ACSM2B: variants seen among roughly 807,000 people sequenced by gnomAD.
ACSM2B encodes acyl-coenzyme A synthetase ACSM2B, mitochondrial.
ACSM2B carries 58 observed loss-of-function variants against 78.6 expected under a neutral mutation model. That is an observed-to-expected ratio of 0.74 (90% CI 0.60 to 0.92). ACSM2B has a LOEUF of 0.92. Ranked by LOEUF, ACSM2B falls within the 40% of genes least tolerant of loss-of-function variation. The pLI, the probability that ACSM2B is intolerant of heterozygous loss-of-function variation, is 0.00. For missense variants in ACSM2B, 688 were observed against 711.2 expected (o/e 0.97, Z 0.37); for synonymous variants, 257 against 256.8 (o/e 1.00, Z -0.01).
At chr16:20,556,188 C>G (rs575195073) in intron 3 of ACSM2B, among the ~76,000 whole-genome samples, 1 of 152,140 alleles carries the variant, frequency 6.6e-6, no homozygotes, top group Non-Finnish European at 1.5e-5. Context: ...TACAATTTAT[C>G]TTAAAAAATT....
intron 5 of ACSM2B, 138 bp downstream of exon 5, chr16:20,553,639 C>A: frequency 7.3e-7 from 1 of 1,362,914 alleles, no homozygotes; most frequent in Non-Finnish European, 9.9e-7. Flanking sequence ...GAAGCCATGT[C>A]CTCTTTAGCT....
rs751641752 is a variant in ACSM2B, at chr16:20,552,144, C to A, written c.894G>T (p.Lys298Asn). Residue 298 changes from lysine to asparagine, a missense_variant and splice_region_variant, in exon 6 of 14, where the codon AAG becomes AAT. By Grantham distance (94) the Lys-to-Asn change is moderately conservative. Coordinates refer to ENST00000329697, the MANE Select transcript of ACSM2B (RefSeq NM_001105069.2). ...TGCTGCAAACTGGATCCTCTCTTACCTTTAGAATAACCAGTGGGTCAAACT... is the reference window on the plus strand; with the variant it reads ...TGCTGCAAACTGGATCCTCTCTTACATTTAGAATAACCAGTGGGTCAAACT... The part of the protein sequence containing the change: ...LPKFDPLVIL[K>N]TLSSYPIKSM... 6.2e-7 allele frequency: 1 copy of A among 1,607,598 alleles called. No individual in the cohort carries two copies. Among genetic ancestry groups the A allele is most frequent in the Non-Finnish European group, 8.5e-7 (1 of 1,176,908 alleles).
At chr16:20,555,933 C>T (rs1339483042) in intron 3 of ACSM2B, among the ~76,000 whole-genome samples, 1 of 152,048 alleles carries the variant, frequency 6.6e-6, no homozygotes, top group Non-Finnish European at 1.5e-5. Flanking sequence ...ATGCATTTTT[C>T]TTAGATGAGA....
At chr16:20,555,499 G>T in intron 3 of ACSM2B, 23 bp from the exon 4 acceptor site, 1 of 1,610,856 alleles carries the variant, frequency 6.2e-7, no homozygotes, top group Non-Finnish European at 8.5e-7. Flanking sequence ...ACAATTTAGA[G>T]AATTGGAAAG....
chr16:20,566,055 A>G (rs373708161), intron 1 of ACSM2B, among the ~76,000 whole-genome samples: 2 of 148,344 alleles, frequency 1.3e-5, no homozygotes, highest in Admixed American at 6.8e-5. Flanking sequence ...CATACTATAT[A>G]TGATACTATA....
Position 20,537,003 on chromosome 16 carries a change from A to T in ACSM2B, c.*255T>A. 2.8e-6 allele frequency: 1 copy of T among 357,480 alleles called. No homozygotes were observed. Among genetic ancestry groups the T allele is most frequent in the South Asian group, 1.0e-4 (1 of 9,920 alleles). The allele number at this position is 357,480 out of a possible 1,614,324, so 22.1% of individuals were successfully genotyped here. ...TTCTTTTTCAATTGCTTTCTCTTGC[A>T]GTTTTTAACATTTCCCTGACTTACT... On this transcript the variant is annotated 3_prime_UTR_variant, in exon 14 of 14. Transcript: ENST00000329697.
chr16:20,567,626 A>G (rs2015962633), intron 1 of ACSM2B, among the ~76,000 whole-genome samples: 1 of 136,752 alleles, frequency 7.3e-6, no homozygotes, highest in Admixed American at 8.2e-5. Flanking sequence ...ATAGTATATT[A>G]TATCTATATC....
chr16:20,540,723 T>G lies in ACSM2B; in HGVS notation c.1560A>C (p.Pro520=). 6 of 1,614,144 alleles carry G rather than the reference T, an allele frequency of 3.7e-6. No individual in the cohort carries two copies. Among genetic ancestry groups the G allele is most frequent in the Non-Finnish European group, 5.1e-6 (6 of 1,180,006 alleles). Residue 520 remains proline, a synonymous_variant, in exon 13 of 14, where the codon CCA becomes CCC. Transcript: ENST00000329697. Reference sequence around the variant, plus strand: ...GCTGCAGCTCCTTGGTGAGCTGTTCTGGGTCATGGGATAGGAACTGCGAGG... The same window carrying G: ...GCTGCAGCTCCTTGGTGAGCTGTTCGGGGTCATGGGATAGGAACTGCGAGG... ...ILASQFLSHD[P]EQLTKELQQH... is the part of the protein sequence containing the mutation.
intron 10 of ACSM2B, among the ~76,000 whole-genome samples, 192 bp from the exon 11 acceptor site, chr16:20,543,454 A>C (rs1007427837): frequency 2.6e-5 from 4 of 152,226 alleles, no homozygotes; most frequent in African/African-American, 9.6e-5. Context: ...CATTTATTGA[A>C]GTTATTCCAC....
chr16:20,553,656 C>G, intron 5 of ACSM2B, 121 bp downstream of exon 5: 1 of 1,461,158 alleles, frequency 6.8e-7, no homozygotes, highest in Admixed American at 2.3e-5. Flanking sequence ...AGCTTTCCTT[C>G]TGAATTTTCT....
intron 1 of ACSM2B, among the ~76,000 whole-genome samples, chr16:20,568,211 T>C (rs1004873371): frequency 1.4e-5 from 2 of 144,236 alleles, no homozygotes; most frequent in African/African-American, 5.0e-5. Flanking sequence ...TATAAATATA[T>C]GTAAAAAATG....
At chr16:20,567,131 TA>T (rs2015922118) in intron 1 of ACSM2B, among the ~76,000 whole-genome samples, 1 of 135,432 alleles carries the variant, frequency 7.4e-6, no homozygotes, top group East Asian at 2.0e-4. Flanking sequence ...TATATATAGA[TA>T]TAGATATAAT....
At chr16:20,548,634 C>T (rs1228241130) in intron 6 of ACSM2B, among the ~76,000 whole-genome samples, 161 bp from the exon 7 acceptor site, 1 of 152,202 alleles carries the variant, frequency 6.6e-6, no homozygotes, top group Non-Finnish European at 1.5e-5. Context: ...CCCCACAACT[C>T]TCATGCACCC....
intron 9 of ACSM2B, among the ~76,000 whole-genome samples, chr16:20,545,739 G>T (rs2015120440): frequency 6.6e-6 from 1 of 152,176 alleles, no homozygotes; most frequent in Non-Finnish European, 1.5e-5. Flanking sequence ...CTTAGCAAAT[G>T]GTTATCATAG....
chr16:20,563,192 G>T (rs2015718831), intron 2 of ACSM2B, among the ~76,000 whole-genome samples: 1 of 152,040 alleles, frequency 6.6e-6, no homozygotes, highest in African/African-American at 2.4e-5. Flanking sequence ...TAACAAGATA[G>T]GTGCAAAAAA....
chr16:20,559,524 G>C (rs1469977337), intron 2 of ACSM2B, 77 bp from the exon 3 acceptor site: 1 of 1,533,750 alleles, frequency 6.5e-7, no homozygotes, highest in Non-Finnish European at 8.8e-7. Context: ...TCTTGGGATT[G>C]CCAAGCTGGT....
Position 20,542,943 on chromosome 16 carries a change from T to C in ACSM2B, c.1480A>G (p.Ile494Val). 5 of 1,613,702 alleles carry C rather than the reference T, an allele frequency of 3.1e-6. No homozygotes were observed. Among genetic ancestry groups the C allele is most frequent in the Non-Finnish European group, 4.2e-6 (5 of 1,179,846 alleles). The change falls in exon 12 of 14, where the codon ATC (isoleucine) becomes GTC (valine). Residue 494 changes from isoleucine (I) to valine (V), a missense_variant. Physicochemically the swap from Ile to Val is conservative, Grantham distance 29 (BLOSUM62 3). Coordinates refer to ENST00000329697, the MANE Select transcript of ACSM2B (RefSeq NM_001105069.2). ...KHPAVVETAV[I>V]SSPDPVRGEV... ...CCTCGGACGGGGTCTGGGCTGCTGATCACAGCCGTCTCAACCACAGCAGGG... is the reference window on the plus strand; with the variant it reads ...CCTCGGACGGGGTCTGGGCTGCTGACCACAGCCGTCTCAACCACAGCAGGG...
chr16:20,559,170 G>C (rs2015564088), intron 3 of ACSM2B, 67 bp downstream of exon 3: 3 of 1,497,254 alleles, frequency 2.0e-6, no homozygotes, highest in Non-Finnish European at 2.7e-6. Context: ...AGAGGTGGCT[G>C]CATTTCTCTG....
chr16:20,546,687 C>A (rs1347970655), intron 8 of ACSM2B: 23 of 767,098 alleles, frequency 3.0e-5, no homozygotes, highest in Admixed American at 7.3e-5. Flanking sequence ...AGCAACCCAT[C>A]TACCACTCCC....
Sources: gnomAD v4.1 joint callset for allele counts (sites outside exome capture counted in the v4.1 genomes callset) on GRCh38, gnomAD v4.1.1 for gene constraint, MANE v1.5 for transcripts, NCBI Gene and HGNC (gene_info 2026-07-23, HGNC 2026-07-21) for gene names.